The following CNTNAP5 variants were observed in gnomAD, a reference collection of about 807,000 sequenced individuals.
The protein encoded by CNTNAP5 is contactin-associated protein-like 5.
Under a neutral mutation model 150.2 loss-of-function variants are expected in CNTNAP5, and 72 were observed. The ratio of observed to expected loss-of-function variants is 0.48; its 90% CI spans 0.40 to 0.58. The LOEUF (loss-of-function observed/expected upper bound fraction) is 0.58, where lower values mean the gene tolerates loss of function less well. Among genes scored for constraint, CNTNAP5 ranks in the 20% least tolerant of loss-of-function variants. The pLI is 0.00. For missense variants in CNTNAP5, 1,636 were observed against 1,626.2 expected, an observed-to-expected ratio of 1.01 and a Z score of -0.10; for synonymous variants, 672 against 619.8, an observed-to-expected ratio of 1.08 and a Z score of -1.25.
At chr2:124,412,577 A>G (rs1047393755) in intron 3 of CNTNAP5, among the ~76,000 whole-genome samples, 8 of 151,490 alleles carry the variant, frequency 5.3e-5, no homozygotes, top group Admixed American at 1.3e-4. Context: ...ATAACGCTGC[A>G]TATCTACAAC....
At chr2:124,912,548 C>T (rs2104769825) in intron 23 of CNTNAP5, among the ~76,000 whole-genome samples, 2 of 152,212 alleles carry the variant, frequency 1.3e-5, no homozygotes, top group East Asian at 3.9e-4. Flanking sequence ...AAAACCACGC[C>T]TTTCCTTAAG....
intron 1 of CNTNAP5, among the ~76,000 whole-genome samples, chr2:124,168,183 A>G (rs1365608070): frequency 1.3e-5 from 2 of 152,152 alleles, no homozygotes; most frequent in South Asian, 2.1e-4. Flanking sequence ...TATTAATTCT[A>G]TCAGGGAACA....
chr2:124,166,249 CTGT>C (rs1243111117), intron 1 of CNTNAP5, among the ~76,000 whole-genome samples: 1 of 152,124 alleles, frequency 6.6e-6, no homozygotes, highest in Non-Finnish European at 1.5e-5. Flanking sequence ...ATGACACGGA[CTGT>C]TGTTTTGTTT....
At chr2:124,562,177 C>A (rs1328786365) in intron 10 of CNTNAP5, among the ~76,000 whole-genome samples, 1 of 152,134 alleles carries the variant, frequency 6.6e-6, no homozygotes, top group African/African-American at 2.4e-5. Context: ...ATGTTACCTC[C>A]ACTCCCATTA....
At position 124,917,906 on chromosome 2, in the gene CNTNAP5, T is replaced by C. The variant is rs1043906750; in HGVS notation, c.*3618T>C. On this transcript the variant is annotated 3_prime_UTR_variant, in exon 24 of 24. Transcript: ENST00000682447. ...GAAGCATCTGCCAGACTGAAAGAAA[T>C]GTAAATTTCTGGGAAATATCTGTTA... Among the ~76,000 whole-genome samples, 1 of 152,088 alleles carries C rather than the reference T, an allele frequency of 6.6e-6. No homozygotes were observed. The highest frequency in any genetic ancestry group is 2.4e-5 in the African/African-American group (1 of 41,454).
intron 3 of CNTNAP5, among the ~76,000 whole-genome samples, chr2:124,278,659 CTG>C: frequency 6.6e-6 from 1 of 152,152 alleles, no homozygotes; most frequent in East Asian, 1.9e-4. Flanking sequence ...TCATTCCAAG[CTG>C]TGATTTCTGA....
intron 1 of CNTNAP5, among the ~76,000 whole-genome samples, chr2:124,099,875 G>T (rs1363489958): frequency 6.6e-6 from 1 of 152,102 alleles, no homozygotes; most frequent in African/African-American, 2.4e-5. Context: ...AATGGTTGGT[G>T]CTAAGTCATT....
chr2:124,181,792 T>C (rs1225068385), intron 1 of CNTNAP5, among the ~76,000 whole-genome samples: 2 of 152,244 alleles, frequency 1.3e-5, no homozygotes, highest in African/African-American at 2.4e-5. Flanking sequence ...CGCTCTGAGA[T>C]GTAGAAAATG....
chr2:124,545,555 T>C (rs2104910965), intron 10 of CNTNAP5, among the ~76,000 whole-genome samples: 1 of 152,308 alleles, frequency 6.6e-6, no homozygotes, highest in Non-Finnish European at 1.5e-5. Flanking sequence ...TTAATTGGGA[T>C]TCTAGTATCA....
At chr2:124,510,307 A>ATCTATATCTATATATCTATATATC (rs1427079459) in intron 8 of CNTNAP5, among the ~76,000 whole-genome samples, 5 of 113,578 alleles carry the variant, frequency 4.4e-5, no homozygotes, top group African/African-American at 1.5e-4. Flanking sequence ...ATATCTATAT[A>ATCTATATCTATATATCTATATATC]TATATCTATA....
At chr2:124,908,281 G>A (rs1342378058) in intron 22 of CNTNAP5, among the ~76,000 whole-genome samples, 1 of 152,050 alleles carries the variant, frequency 6.6e-6, no homozygotes, top group Non-Finnish European at 1.5e-5. Context: ...TGAGGCAGGA[G>A]AGTAGCTTGA....
chr2:124,037,622 T>C (rs971437275), intron 1 of CNTNAP5, among the ~76,000 whole-genome samples: 3 of 152,134 alleles, frequency 2.0e-5, no homozygotes, highest in Non-Finnish European at 4.4e-5. Context: ...ATATGTGGAA[T>C]CTAAAAAATT....
intron 3 of CNTNAP5, among the ~76,000 whole-genome samples, chr2:124,357,108 T>G (rs981633109): frequency 6.6e-6 from 1 of 152,192 alleles, no homozygotes; most frequent in Non-Finnish European, 1.5e-5. Flanking sequence ...TGTCTTCTTT[T>G]GAGAAGTGTC....
chr2:124,105,553 C>A (rs182313917), intron 1 of CNTNAP5, among the ~76,000 whole-genome samples: 243 of 152,204 alleles, frequency 1.6e-3, no homozygotes, highest in Middle Eastern at 6.8e-3. Context: ...AAAACAATAT[C>A]TTGGACTAAT....
At chr2:124,200,212 T>C (rs1486877052) in intron 1 of CNTNAP5, among the ~76,000 whole-genome samples, 3 of 152,228 alleles carry the variant, frequency 2.0e-5, no homozygotes, top group Non-Finnish European at 2.9e-5. Flanking sequence ...ACTAATCATA[T>C]TAGTTATCTC....
intron 19 of CNTNAP5, among the ~76,000 whole-genome samples, chr2:124,841,379 CTT>C (rs71917649): frequency 1.1e-4 from 16 of 145,262 alleles, no homozygotes; most frequent in African/African-American, 3.2e-4. Flanking sequence ...TGCACTCCAT[CTT>C]TTTTTTTTTT....
Position 124,504,521 on chromosome 2 carries a change from A to G in CNTNAP5, c.1292A>G (p.Gln431Arg). ...LEGGILRLVI[Q>R]KMTERVAEIL... ...GGTGGAATCCTGAGACTCGTGATTCAGAAAATGACAGAACGCGTAGCTGAA... is the reference window on the plus strand; with the variant it reads ...GGTGGAATCCTGAGACTCGTGATTCGGAAAATGACAGAACGCGTAGCTGAA... The change falls in exon 8 of 24, where the codon CAG (glutamine) becomes CGG (arginine). Residue 431 changes from glutamine (Q) to arginine (R), a missense_variant. Transcript: ENST00000682447. 6.2e-7 allele frequency: 1 copy of G among 1,613,836 alleles called. No homozygotes were observed. Among genetic ancestry groups the G allele is most frequent in the Non-Finnish European group, 8.5e-7 (1 of 1,179,838 alleles).
intron 3 of CNTNAP5, among the ~76,000 whole-genome samples, chr2:124,408,478 G>A (rs1180845904): frequency 6.6e-6 from 1 of 152,138 alleles, no homozygotes; most frequent in East Asian, 1.9e-4. Context: ...AGACTTAAAT[G>A]TCTCTGTCTG....
chr2:124,350,797 T>C (rs903466133), intron 3 of CNTNAP5, among the ~76,000 whole-genome samples: 5 of 152,192 alleles, frequency 3.3e-5, no homozygotes, highest in Admixed American at 6.5e-5. Flanking sequence ...ACCCAGAATG[T>C]ACATATCATG....
Sources: gnomAD v4.1 joint callset for allele counts (sites outside exome capture counted in the v4.1 genomes callset) on GRCh38, gnomAD v4.1.1 for gene constraint, MANE v1.5 for transcripts, NCBI Gene and HGNC (gene_info 2026-07-23, HGNC 2026-07-21) for gene names.